ASAP1: variants seen among roughly 807,000 people sequenced by gnomAD.
The protein encoded by ASAP1 is arf-GAP with SH3 domain, ANK repeat and PH domain-containing protein 1.
In ASAP1, 43 loss-of-function variants were observed where a neutral mutation model predicts 145.2. The observed-to-expected ratio is 0.30, with a 90% CI of 0.23 to 0.38. The LOEUF (loss-of-function observed/expected upper bound fraction) is 0.38. Among genes scored for constraint, ASAP1 ranks in the 10% least tolerant of loss-of-function variants. ASAP1 has a pLI of 1.00. For missense variants in ASAP1, 1,018 were observed against 1,355.3 expected, an observed-to-expected ratio of 0.75 and a Z score of 3.91; for synonymous variants, 546 against 515.5, an observed-to-expected ratio of 1.06 and a Z score of -0.80.
intron 25 of ASAP1, chr8:130,083,289 C>G (rs1247645720): frequency 6.6e-6 from 1 of 152,176 alleles, no homozygotes; most frequent in Admixed American, 6.5e-5. Context: ...GTAACTTTGC[C>G]CCTTACGTTC....
intron 3 of ASAP1, among the ~76,000 whole-genome samples, chr8:130,255,141 C>T (rs552456409): frequency 1.7e-3 from 264 of 152,146 alleles, no homozygotes; most frequent in Middle Eastern, 3.4e-3. Context: ...ATTTATATTG[C>T]TAAAAGCAAA....
At chr8:130,264,553 T>C (rs1820128046) in intron 3 of ASAP1, among the ~76,000 whole-genome samples, 1 of 152,232 alleles carries the variant, frequency 6.6e-6, no homozygotes, top group Admixed American at 6.5e-5. Flanking sequence ...CCTTTCTTGA[T>C]CAATACTAGC....
intron 1 of ASAP1, among the ~76,000 whole-genome samples, chr8:130,409,099 T>C (rs1159003494): frequency 6.6e-6 from 1 of 151,954 alleles, no homozygotes; most frequent in Non-Finnish European, 1.5e-5. Context: ...CCATCTCTAC[T>C]AAAAATACAA....
intron 5 of ASAP1, among the ~76,000 whole-genome samples, chr8:130,198,650 T>G (rs1279266612): frequency 6.6e-6 from 1 of 152,162 alleles, no homozygotes; most frequent in African/African-American, 2.4e-5. Flanking sequence ...GTAAGATGGG[T>G]CTTAGTCTCA....
chr8:130,263,118 C>T (rs377082352), intron 3 of ASAP1, among the ~76,000 whole-genome samples: 65 of 152,302 alleles, frequency 4.3e-4, no homozygotes, highest in African/African-American at 1.4e-3. Flanking sequence ...CATATAGTGT[C>T]TGATTACGTG....
At chr8:130,072,825 G>GTGTGTGTGGGTGTGTGTGCGCA in intron 27 of ASAP1, among the ~76,000 whole-genome samples, 1 of 54,098 alleles carries the variant, frequency 1.8e-5, no homozygotes, top group Non-Finnish European at 3.6e-5. Flanking sequence ...GTGTGTGTGT[G>GTGTGTGTGGGTGTGTGTGCGCA]CGCGCGGGGG....
At chr8:130,353,370 A>T (rs1431959010) in intron 3 of ASAP1, among the ~76,000 whole-genome samples, 2 of 152,262 alleles carry the variant, frequency 1.3e-5, no homozygotes, top group African/African-American at 4.8e-5. Context: ...GGGAAAAAAT[A>T]GTATATTTAA....
intron 3 of ASAP1, among the ~76,000 whole-genome samples, chr8:130,341,809 C>G (rs867364954): frequency 6.6e-6 from 1 of 152,220 alleles, no homozygotes; most frequent in South Asian, 2.1e-4. Flanking sequence ...ACAGGAAAAG[C>G]ATTTATTTAT....
chr8:130,242,895 C>T (rs1222274892), intron 3 of ASAP1, among the ~76,000 whole-genome samples: 3 of 152,118 alleles, frequency 2.0e-5, no homozygotes, highest in Non-Finnish European at 2.9e-5. Flanking sequence ...CTGTGGGTTC[C>T]ACAGGCCAAC....
chr8:130,179,434 T>C lies in ASAP1; in HGVS notation c.661-85A>G, dbSNP rs899472335. The C allele has an allele frequency of 3.9e-6, 3 of 772,292 alleles. 1 individual carries two copies. Among genetic ancestry groups the C allele is most frequent in the East Asian group, 5.3e-5 (2 of 38,082 alleles). 47.8% of individuals were successfully genotyped at this position (772,292 alleles called of 1,614,324 possible). A position where few individuals can be genotyped will look rare whatever the true frequency, so the allele number is the denominator to read the frequency against. On this transcript the variant is annotated intron_variant, in intron 8 of 29. Transcript: ENST00000518721. ...GGTTCAGGTGGCTGAACATCACCCCTGAATCTGCACAAGTTACCAAGCCTT... is the reference window on the plus strand; with the variant it reads ...GGTTCAGGTGGCTGAACATCACCCCCGAATCTGCACAAGTTACCAAGCCTT...
chr8:130,250,830 AT>A (rs1250658301), intron 3 of ASAP1, among the ~76,000 whole-genome samples: 3 of 152,132 alleles, frequency 2.0e-5, no homozygotes, highest in African/African-American at 7.2e-5. Flanking sequence ...TTTCTGAGAG[AT>A]GCTGGAAAGT....
chr8:130,336,696 G>A (rs114318625), intron 3 of ASAP1, among the ~76,000 whole-genome samples: 131 of 152,248 alleles, frequency 8.6e-4, no homozygotes, highest in African/African-American at 2.8e-3. Context: ...AGCCAACCAG[G>A]GGGAAAAATA....
At chr8:130,339,510 G>A (rs546876351) in intron 3 of ASAP1, among the ~76,000 whole-genome samples, 1 of 152,244 alleles carries the variant, frequency 6.6e-6, no homozygotes, top group East Asian at 1.9e-4. Flanking sequence ...GCTATCACAA[G>A]ATTCAACATG....
At chr8:130,403,499 T>C (rs1360942133) in intron 1 of ASAP1, among the ~76,000 whole-genome samples, 2 of 152,092 alleles carry the variant, frequency 1.3e-5, no homozygotes, top group Non-Finnish European at 1.5e-5. Flanking sequence ...TCTCTGACCT[T>C]ATCCTGTCTA....
At chr8:130,249,714 ATATG>A (rs1371585036) in intron 3 of ASAP1, among the ~76,000 whole-genome samples, 10 of 152,222 alleles carry the variant, frequency 6.6e-5, no homozygotes, top group African/African-American at 2.4e-4. Flanking sequence ...CCAGACACAC[ATATG>A]TATGTGTTTA....
chr8:130,096,640 C>T (rs1160720694), intron 24 of ASAP1, among the ~76,000 whole-genome samples: 2 of 152,112 alleles, frequency 1.3e-5, no homozygotes, highest in Non-Finnish European at 2.9e-5. Flanking sequence ...TAGAGTACAC[C>T]TCATTCTTCC....
chr8:130,268,724 A>C (rs1195143236), intron 3 of ASAP1, among the ~76,000 whole-genome samples: 1 of 152,168 alleles, frequency 6.6e-6, no homozygotes, highest in South Asian at 2.1e-4. Flanking sequence ...CAAATATTTA[A>C]AAAATTATAT....
intron 1 of ASAP1, among the ~76,000 whole-genome samples, chr8:130,438,597 G>A (rs1012262442): frequency 2.6e-5 from 4 of 152,322 alleles, no homozygotes; most frequent in Non-Finnish European, 5.9e-5. Flanking sequence ...GGTACGAGGC[G>A]GGGAGCTGGT....
intron 3 of ASAP1, among the ~76,000 whole-genome samples, chr8:130,314,044 T>C (rs531898218): frequency 4.1e-4 from 62 of 152,314 alleles, no homozygotes; most frequent in Non-Finnish European, 6.5e-4. Context: ...ATAGAAGTAC[T>C]GCATGTAAAT....
Sources: gnomAD v4.1 joint callset for allele counts (sites outside exome capture counted in the v4.1 genomes callset) on GRCh38, gnomAD v4.1.1 for gene constraint, MANE v1.5 for transcripts, NCBI Gene and HGNC (gene_info 2026-07-23, HGNC 2026-07-21) for gene names.